The following IL17RD variants were observed in gnomAD, a reference collection of about 807,000 sequenced individuals.
IL17RD encodes interleukin-17 receptor D.
In IL17RD, 52 loss-of-function variants were observed where a neutral mutation model predicts 80.5. The ratio of observed to expected loss-of-function variants is 0.65; its 90% confidence interval spans 0.52 to 0.81. The LOEUF is 0.81. Among genes scored for constraint, IL17RD ranks in the 40% least tolerant of loss-of-function variants. The probability of loss-of-function intolerance (pLI) is 0.00; values close to 1 mark genes in which losing one functional copy is unlikely to be tolerated. For synonymous variants in IL17RD, 416 were observed against 391.8 expected, an observed-to-expected ratio of 1.06 and a Z score of -0.73; for missense variants, 1,024 against 955.1, an observed-to-expected ratio of 1.07 and a Z score of -0.95.
At chr3:57,114,604 C>T in intron 3 of IL17RD, 88 bp downstream of exon 3, 1 of 1,288,270 alleles carries the variant, frequency 7.8e-7, no homozygotes, top group African/African-American at 1.5e-5. Flanking sequence ...CAAGACCTGC[C>T]TGGTTCCTGG....
chr3:57,127,335 T>A (rs1415030339), intron 1 of IL17RD, among the ~76,000 whole-genome samples: 3 of 90,230 alleles, frequency 3.3e-5, no homozygotes, highest in Non-Finnish European at 5.9e-5. Context: ...TAAATATATA[T>A]AAAAATATAT....
At chr3:57,155,563 T>C (rs1416244282) in intron 1 of IL17RD, among the ~76,000 whole-genome samples, 1 of 152,244 alleles carries the variant, frequency 6.6e-6, no homozygotes, top group East Asian at 1.9e-4. Context: ...TGCCACATGA[T>C]TAGCCAATGT....
intron 7 of IL17RD, among the ~76,000 whole-genome samples, chr3:57,104,645 C>G (rs1706911377): frequency 6.6e-6 from 1 of 152,316 alleles, no homozygotes. Context: ...GCTGGTGGCA[C>G]CCTCAGCAGG....
In IL17RD at chr3:57,135,118, AAAAC is replaced by A. The variant is rs199700566; in HGVS notation, c.127-14809_127-14806del. On this transcript the variant is annotated intron_variant, in intron 1 of 12. Transcript: ENST00000296318. ...GCAAGACCTTGTCTCAAAACAAACAAAAACAAACAAACAAACAAAAAACACACAA... is the reference window on the plus strand; with the variant it reads ...GCAAGACCTTGTCTCAAAACAAACAAAAACAAACAAACAAAAAACACACAA... Among the ~76,000 whole-genome samples, 1,251 of 150,542 alleles carry A rather than the reference AAAAC, an allele frequency of 8.3e-3. 14 individuals carry two copies. Among genetic ancestry groups the A allele is most frequent in the African/African-American group, 0.026 (1,069 of 40,490 alleles).
intron 2 of IL17RD, among the ~76,000 whole-genome samples, chr3:57,117,300 G>T (rs1707238564): frequency 1.3e-5 from 2 of 152,042 alleles, no homozygotes; most frequent in Non-Finnish European, 2.9e-5. Context: ...TTTTAGTAGA[G>T]ACAGAGTTTC....
intron 1 of IL17RD, among the ~76,000 whole-genome samples, chr3:57,155,621 C>T (rs965714987): frequency 3.9e-5 from 6 of 152,174 alleles, no homozygotes; most frequent in East Asian, 1.9e-4. Flanking sequence ...GACGGAGTCT[C>T]GCTGTGTTGC....
In IL17RD at chr3:57,165,333, C is replaced by T. The variant is rs1019507291; in HGVS notation, c.-47G>A. ...GGCCGTTCTCTGCGCCCCGGCCGCC[C>T]GCCGCTGGCCAGCCCCGAGTGGGCG... On this transcript the variant is annotated 5_prime_UTR_variant, in exon 1 of 13. Coordinates refer to ENST00000296318, the MANE Select transcript of IL17RD (RefSeq NM_017563.5). The T allele has an allele frequency of 1.5e-6, 2 of 1,295,384 alleles. No homozygotes were observed. Among genetic ancestry groups the T allele is most frequent in the Admixed American group, 3.9e-5 (1 of 25,440 alleles). 80.2% of individuals were successfully genotyped at this position (1,295,384 alleles called of 1,614,324 possible).
At chr3:57,125,572 T>C (rs1238835608) in intron 1 of IL17RD, among the ~76,000 whole-genome samples, 1 of 152,192 alleles carries the variant, frequency 6.6e-6, no homozygotes, top group African/African-American at 2.4e-5. Context: ...AGAGTTGTAC[T>C]GCAGGACAAG....
chr3:57,123,179 C>A (rs553177647), intron 1 of IL17RD, among the ~76,000 whole-genome samples: 3 of 152,294 alleles, frequency 2.0e-5, no homozygotes, highest in Admixed American at 2.0e-4. Context: ...CCTGTGGCAT[C>A]CATTCACTCT....
chr3:57,140,853 C>T lies in IL17RD; in HGVS notation c.127-20540G>A, dbSNP rs974529856. On this transcript the variant is annotated intron_variant, in intron 1 of 12. Transcript: ENST00000296318. ...TGGTTCAATGCTTATCACTAATGAA[C>T]ATTTATTATGCAGTAGCAGAGCTGT... Among the ~76,000 whole-genome samples the T allele has an allele frequency of 3.6e-4, 55 of 151,570 alleles. 1 individual carries two copies. Among genetic ancestry groups the T allele is most frequent in the African/African-American group, 1.3e-3 (52 of 41,216 alleles).
At chr3:57,140,893 C>CTT (rs398105891) in intron 1 of IL17RD, among the ~76,000 whole-genome samples, 2,277 of 146,704 alleles carry the variant, frequency 0.016, 56 homozygotes, top group African/African-American at 0.054. Context: ...GACCTTCACA[C>CTT]TTTTTTTTTT....
chr3:57,137,703 C>T (rs1279110207), intron 1 of IL17RD, among the ~76,000 whole-genome samples: 5 of 152,070 alleles, frequency 3.3e-5, no homozygotes, highest in South Asian at 2.1e-4. Context: ...GGTCACCAGC[C>T]GCTTCCAATT....
In IL17RD at chr3:57,127,375, TATAAATAA is replaced by T. The variant is rs1223090341; in HGVS notation, c.127-7070_127-7063del. On this transcript the variant is annotated intron_variant, in intron 1 of 12. Transcript: ENST00000296318. ...ATATATATAAATATAAATATATATA[TATAAATAA>T]ATAAATAAATAAATATATATATATA... 6.6e-5 allele frequency among the ~76,000 whole-genome samples: 5 copies of T among 75,406 alleles called. 1 individual carries two copies. The highest frequency in any genetic ancestry group is 1.1e-4 in the Non-Finnish European group (5 of 44,528). 49.5% of individuals were successfully genotyped at this position (75,406 alleles called of 152,430 possible).
chr3:57,102,401 C>T, intron 10 of IL17RD, 78 bp downstream of exon 10: 3 of 669,682 alleles, frequency 4.5e-6, no homozygotes, highest in Non-Finnish European at 7.1e-6. Context: ...GACCCAGGTA[C>T]TCCCAGTCTC....
At chr3:57,164,161 G>T (rs2060328014) in intron 1 of IL17RD, among the ~76,000 whole-genome samples, 1 of 152,180 alleles carries the variant, frequency 6.6e-6, no homozygotes, top group African/African-American at 2.4e-5. Flanking sequence ...CAGAGCCAAG[G>T]TCATGTCCCT....
chr3:57,110,073 C>A, intron 4 of IL17RD, 120 bp downstream of exon 4: 1 of 1,162,856 alleles, frequency 8.6e-7, no homozygotes, highest in Non-Finnish European at 1.2e-6. Context: ...TTCTTGCCCA[C>A]CTTGGCGGGT....
intron 1 of IL17RD, among the ~76,000 whole-genome samples, chr3:57,149,637 C>T (rs966279959): frequency 1.2e-4 from 19 of 152,158 alleles, no homozygotes; most frequent in Non-Finnish European, 2.4e-4. Context: ...CTTAGTTGTG[C>T]TAGCCACATT....
chr3:57,090,351 C>T lies in IL17RD; in HGVS notation c.*6042G>A, dbSNP rs370360191. On this transcript the variant is annotated 3_prime_UTR_variant, in exon 13 of 13. Coordinates refer to ENST00000296318, the MANE Select transcript of IL17RD (RefSeq NM_017563.5). ...TGAACACAATTGGTTTTCACAAAAG[C>T]TTTTGCTGCTGTCTGGACTCACCAT... is the stretch of plus-strand genomic sequence containing the variant. 6.6e-5 allele frequency: 10 copies of T among 152,374 alleles called. No individual in the cohort carries two copies. Among genetic ancestry groups the T allele is most frequent in the East Asian group, 3.9e-4 (2 of 5,190 alleles). The allele number at this position is 152,374 out of a possible 1,614,324, so 9.4% of individuals were successfully genotyped here.
chr3:57,122,632 C>A (rs1486204963), intron 1 of IL17RD, among the ~76,000 whole-genome samples: 1 of 152,152 alleles, frequency 6.6e-6, no homozygotes, highest in African/African-American at 2.4e-5. Flanking sequence ...CCATCCCCTA[C>A]TGACCCCCCA....
Sources: allele counts gnomAD v4.1 joint callset (sites outside exome capture counted in the v4.1 genomes callset), GRCh38; gene constraint gnomAD v4.1.1; transcripts MANE v1.5; gene names NCBI Gene and HGNC (gene_info 2026-07-23, HGNC 2026-07-21).